Variants in CDH12 observed in about 807,000 individuals in gnomAD.
CDH12 encodes cadherin-12.
A neutral mutation model predicts 74.1 loss-of-function variants in CDH12; 41 were observed. The observed-to-expected ratio is 0.55, with a 90% CI of 0.43 to 0.72. CDH12 has a LOEUF of 0.72. Among genes scored for constraint, CDH12 ranks in the 30% least tolerant of loss-of-function variants. The pLI is 0.00. For synonymous variants in CDH12, 399 were observed against 355.0 expected, an observed-to-expected ratio of 1.12 and a Z score of -1.39; for missense variants, 945 against 977.2, an observed-to-expected ratio of 0.97 and a Z score of 0.44.
intron 11 of CDH12, among the ~76,000 whole-genome samples, chr5:21,781,848 C>T (rs113538482): frequency 0.017 from 2,626 of 152,250 alleles, 34 homozygotes; most frequent in Non-Finnish European, 0.025. Context: ...AGCCCCACCC[C>T]GAAGGAATGA....
At chr5:22,435,458 ATG>A (rs954312551) in intron 2 of CDH12, among the ~76,000 whole-genome samples, 2 of 150,238 alleles carry the variant, frequency 1.3e-5, no homozygotes, top group African/African-American at 2.5e-5. Flanking sequence ...ATACACACAA[ATG>A]TGTGTGTACA....
chr5:22,377,116 C>T (rs917547367), intron 3 of CDH12, among the ~76,000 whole-genome samples: 2 of 152,132 alleles, frequency 1.3e-5, no homozygotes, highest in Admixed American at 6.5e-5. Flanking sequence ...GTATGATGTG[C>T]CCCCAGAGTG....
intron 13 of CDH12, among the ~76,000 whole-genome samples, chr5:21,756,539 A>T (rs559435112): frequency 7.4e-4 from 113 of 152,290 alleles, no homozygotes; most frequent in African/African-American, 2.6e-3. Context: ...AGACAATAAA[A>T]ATTACTATTT....
chr5:22,427,200 C>T (rs2126511587), intron 2 of CDH12, among the ~76,000 whole-genome samples: 1 of 152,182 alleles, frequency 6.6e-6, no homozygotes, highest in Admixed American at 6.5e-5. Flanking sequence ...TGGAGTCTTG[C>T]TCTGTCACCC....
intron 2 of CDH12, among the ~76,000 whole-genome samples, chr5:22,439,416 T>C (rs1448257955): frequency 6.6e-6 from 1 of 152,068 alleles, no homozygotes; most frequent in Non-Finnish European, 1.5e-5. Flanking sequence ...CAATGACCCA[T>C]AAATGTCACC....
At chr5:22,545,572 G>A (rs951775323) in intron 1 of CDH12, among the ~76,000 whole-genome samples, 3 of 152,092 alleles carry the variant, frequency 2.0e-5, no homozygotes, top group Non-Finnish European at 4.4e-5. Flanking sequence ...TTTCTAACTC[G>A]CAGTCTCAAA....
At chr5:22,829,502 CGCA>C in intron 1 of CDH12, among the ~76,000 whole-genome samples, 1 of 152,072 alleles carries the variant, frequency 6.6e-6, no homozygotes, top group Non-Finnish European at 1.5e-5. Context: ...ATTACACAAT[CGCA>C]GTCTTGTCTT....
Position 22,506,923 on chromosome 5 carries a change from A to G in CDH12, c.-522-1559T>C, listed in dbSNP as rs1736409959. Among the ~76,000 whole-genome samples, 5 of 152,236 alleles carry G rather than the reference A, an allele frequency of 3.3e-5. No homozygotes were observed. The South Asian group carries it at 1.0e-3, about 32-fold the overall frequency. ...TTAAATAAACAGCATTTTGGGTGCA[A>G]TAGAGTATATATTAAAACCACATTT... On this transcript the variant is annotated intron_variant, in intron 1 of 14. Coordinates refer to ENST00000382254, the MANE Select transcript of CDH12 (RefSeq NM_004061.5).
At chr5:22,225,735 T>G (rs1338240947) in intron 3 of CDH12, among the ~76,000 whole-genome samples, 2 of 152,066 alleles carry the variant, frequency 1.3e-5, no homozygotes, top group African/African-American at 4.8e-5. Flanking sequence ...CAGATTCACC[T>G]TAAGAATCAG....
chr5:22,301,779 A>T (rs527464891), intron 3 of CDH12, among the ~76,000 whole-genome samples: 15 of 151,962 alleles, frequency 9.9e-5, no homozygotes, highest in Non-Finnish European at 1.8e-4. Flanking sequence ...CCACAGGAAC[A>T]TGCCACCATG....
At chr5:21,921,469 T>C (rs911786291) in intron 6 of CDH12, among the ~76,000 whole-genome samples, 3 of 152,286 alleles carry the variant, frequency 2.0e-5, no homozygotes, top group Middle Eastern at 6.8e-3. Flanking sequence ...TTCCTTTATT[T>C]GCTACTGATG....
chr5:21,820,901 A>G (rs1252443686), intron 8 of CDH12, among the ~76,000 whole-genome samples: 2 of 152,016 alleles, frequency 1.3e-5, no homozygotes, highest in Non-Finnish European at 2.9e-5. Context: ...CCTGTACCAC[A>G]CAAATTGAGA....
intron 4 of CDH12, among the ~76,000 whole-genome samples, chr5:22,157,013 G>A (rs188935524): frequency 1.6e-4 from 25 of 152,180 alleles, no homozygotes; most frequent in African/African-American, 5.8e-4. Context: ...AGTATTAACA[G>A]GTGAAAAATG....
chr5:22,733,026 T>A (rs1352466102), intron 1 of CDH12, among the ~76,000 whole-genome samples: 1 of 151,956 alleles, frequency 6.6e-6, no homozygotes, highest in Non-Finnish European at 1.5e-5. Context: ...TGAAATAATG[T>A]GTGTGATTAG....
At chr5:22,571,603 A>G (rs1482844105) in intron 1 of CDH12, among the ~76,000 whole-genome samples, 1 of 152,256 alleles carries the variant, frequency 6.6e-6, no homozygotes, top group Non-Finnish European at 1.5e-5. Flanking sequence ...CTGGGATTAC[A>G]GGCATGAGCC....
At chr5:21,876,361 C>T (rs1450388448) in intron 6 of CDH12, among the ~76,000 whole-genome samples, 1 of 152,154 alleles carries the variant, frequency 6.6e-6, no homozygotes, top group Non-Finnish European at 1.5e-5. Flanking sequence ...CTGATTTTGT[C>T]TCTCACTCTA....
intron 6 of CDH12, among the ~76,000 whole-genome samples, chr5:21,938,723 C>CATATAT (rs545475183): frequency 0.033 from 3,699 of 111,942 alleles, 135 homozygotes; most frequent in African/African-American, 0.05. Flanking sequence ...ATATAATATA[C>CATATAT]ATATATATAT....
intron 6 of CDH12, among the ~76,000 whole-genome samples, chr5:21,908,189 GAGA>G (rs1336164572): frequency 6.6e-6 from 1 of 152,194 alleles, no homozygotes; most frequent in Non-Finnish European, 1.5e-5. Context: ...AATAGGGAAA[GAGA>G]AGAATGATTA....
chr5:22,063,542 T>C (rs1267326185), intron 5 of CDH12, among the ~76,000 whole-genome samples: 1 of 152,088 alleles, frequency 6.6e-6, no homozygotes, highest in Non-Finnish European at 1.5e-5. Context: ...CTTTGAGTCT[T>C]AATAGTAAAC....
Sources: gnomAD v4.1 joint callset for allele counts (sites outside exome capture counted in the v4.1 genomes callset) on GRCh38, gnomAD v4.1.1 for gene constraint, MANE v1.5 for transcripts, NCBI Gene and HGNC (gene_info 2026-07-23, HGNC 2026-07-21) for gene names.